Variants in PPM1D observed in about 807,000 individuals in gnomAD.
PPM1D encodes protein phosphatase 1D.
Under a neutral mutation model 58.3 loss-of-function variants are expected in PPM1D, and 52 were observed. The ratio of observed to expected loss-of-function variants is 0.89; its 90% confidence interval spans 0.71 to 1.12. PPM1D has a LOEUF of 1.12. Among genes scored for constraint, PPM1D ranks in the 50% most tolerant of loss-of-function variants. The pLI is 0.00. For missense variants in PPM1D, 564 were observed against 777.2 expected (o/e 0.73, Z 3.26); for synonymous variants, 278 against 285.1 (o/e 0.98, Z 0.25).
In PPM1D at chr17:60,600,369, G is replaced by A. The variant is rs1464155144; in HGVS notation, c.-46G>A. 2.0e-5 allele frequency: 30 copies of A among 1,537,250 alleles called. No homozygotes were observed. The highest frequency in any genetic ancestry group is 2.5e-5 in the Non-Finnish European group (29 of 1,142,204). The stretch of plus-strand genomic sequence containing the variant: ...GCGCCTAGTGTGTCTCCCGCCGCCG[G>A]ATTCGGCGGGCTGCGTGGGACCGGC... On this transcript the variant is annotated 5_prime_UTR_variant, in exon 1 of 6. Transcript: ENST00000305921.
chr17:60,649,684 T>C (rs1286302445), intron 4 of PPM1D, among the ~76,000 whole-genome samples: 1 of 150,132 alleles, frequency 6.7e-6, no homozygotes, highest in Non-Finnish European at 1.5e-5. Context: ...AACGAAACTC[T>C]GTCTCAAAAA....
chr17:60,603,717 T>C (rs950408246), intron 1 of PPM1D, among the ~76,000 whole-genome samples: 3 of 152,020 alleles, frequency 2.0e-5, no homozygotes, highest in East Asian at 1.9e-4. Context: ...TGAGCTGGGA[T>C]TGGGCCACTG....
chr17:60,622,815 A>G (rs1404843149), intron 1 of PPM1D, among the ~76,000 whole-genome samples: 2 of 152,216 alleles, frequency 1.3e-5, no homozygotes, highest in Admixed American at 6.5e-5. Context: ...AAACAAATCA[A>G]GCCGAGTGCG....
At chr17:60,646,794 G>C (rs1413730169) in intron 3 of PPM1D, among the ~76,000 whole-genome samples, 1 of 152,142 alleles carries the variant, frequency 6.6e-6, no homozygotes, top group Non-Finnish European at 1.5e-5. Flanking sequence ...TTTTTATGTG[G>C]AGCTAATCAA....
intron 2 of PPM1D, among the ~76,000 whole-genome samples, chr17:60,628,714 A>G (rs932007807): frequency 5.3e-5 from 8 of 152,112 alleles, no homozygotes; most frequent in African/African-American, 1.9e-4. Context: ...ATTATACTAT[A>G]TAATATCCAG....
intron 5 of PPM1D, among the ~76,000 whole-genome samples, chr17:60,659,925 A>AT (rs2031499213): frequency 6.6e-6 from 1 of 152,254 alleles, no homozygotes; most frequent in Non-Finnish European, 1.5e-5. Context: ...TATTCTGTGC[A>AT]TTTAGGCTGG....
At chr17:60,601,533 A>AAACGG (rs2030211782) in intron 1 of PPM1D, among the ~76,000 whole-genome samples, 1 of 152,122 alleles carries the variant, frequency 6.6e-6, no homozygotes, top group African/African-American at 2.4e-5. Context: ...ACGTGTTGTT[A>AAACGG]CCTCTTAAAA....
intron 1 of PPM1D, among the ~76,000 whole-genome samples, chr17:60,602,884 C>T (rs929518316): frequency 1.3e-5 from 2 of 151,396 alleles, no homozygotes; most frequent in East Asian, 1.9e-4. Context: ...GATGGCTCCA[C>T]ATTTTCTGTA....
At chr17:60,653,549 G>A (rs985518709) in intron 4 of PPM1D, among the ~76,000 whole-genome samples, 1 of 152,102 alleles carries the variant, frequency 6.6e-6, no homozygotes, top group South Asian at 2.1e-4. Context: ...TGAATTCTGA[G>A]CTTAAAGAAA....
rs191808360 is a variant in PPM1D, at chr17:60,639,288, G to A, written c.826+5311G>A. Among the ~76,000 whole-genome samples, 285 of 151,818 alleles carry A rather than the reference G, an allele frequency of 1.9e-3. 4 individuals carry two copies. The highest frequency in any genetic ancestry group is 3.8e-4 in the Non-Finnish European group (26 of 67,936). On this transcript the variant is annotated intron_variant, in intron 3 of 5. Coordinates refer to ENST00000305921, the MANE Select transcript of PPM1D (RefSeq NM_003620.4). ...CCGCCACCATGCTCGGCTAAGTTTT[G>A]TACAAAAATACAGGGGTTTTGCCAT...
chr17:60,634,112 CT>C, intron 3 of PPM1D, 135 bp downstream of exon 3: 1 of 1,069,362 alleles, frequency 9.4e-7, no homozygotes, highest in Non-Finnish European at 1.3e-6. Flanking sequence ...CTATTAACTG[CT>C]TTAGAACCTA....
chr17:60,662,475 T>C (rs1436873158), intron 5 of PPM1D: 1 of 153,140 alleles, frequency 6.5e-6, no homozygotes, highest in East Asian at 1.9e-4. Context: ...ATGGTTCTTA[T>C]GGAAAAATAT....
At chr17:60,607,501 A>G (rs1453497214) in intron 1 of PPM1D, among the ~76,000 whole-genome samples, 1 of 152,178 alleles carries the variant, frequency 6.6e-6, no homozygotes, top group Non-Finnish European at 1.5e-5. Context: ...GGGTTTCTCC[A>G]TGTTGGTCAG....
chr17:60,622,557 A>G (rs1598403473), intron 1 of PPM1D, among the ~76,000 whole-genome samples: 1 of 152,198 alleles, frequency 6.6e-6, no homozygotes, highest in African/African-American at 2.4e-5. Context: ...ATATACAGGG[A>G]TTCTGCCCCT....
intron 4 of PPM1D, among the ~76,000 whole-genome samples, chr17:60,655,911 G>A (rs1440155621): frequency 2.0e-5 from 3 of 147,050 alleles, no homozygotes; most frequent in Admixed American, 6.7e-5. Context: ...CCATGTTAGC[G>A]AGGATGGTCT....
chr17:60,657,058 T>G, intron 5 of PPM1D: 2 of 1,447,528 alleles, frequency 1.4e-6, no homozygotes, highest in Non-Finnish European at 9.1e-7. Flanking sequence ...TGTGGGCCCT[T>G]AAGAATATTA....
rs2031601806 is a variant in PPM1D at position 60,665,495 on chromosome 17, A to C, written c.*1943A>C. The stretch of plus-strand genomic sequence containing the variant: ...AGTGCTGGGATTACAGGTGTGAGCC[A>C]CCGTGCCCAGCCAACTATGCCATTA... On this transcript the variant is annotated 3_prime_UTR_variant, in exon 6 of 6. Transcript: ENST00000305921. 1 of 152,266 alleles carries C rather than the reference A, an allele frequency of 6.6e-6. No individual in the cohort carries two copies. Among genetic ancestry groups the C allele is most frequent in the African/African-American group, 2.4e-5 (1 of 41,460 alleles). 9.4% of individuals were successfully genotyped at this position (152,266 alleles called of 1,614,324 possible). A position where few individuals can be genotyped will look rare whatever the true frequency, so the allele number is the denominator to read the frequency against.
chr17:60,661,219 CAAA>C (rs373913706), intron 5 of PPM1D, among the ~76,000 whole-genome samples: 3 of 48,952 alleles, frequency 6.1e-5, no homozygotes, highest in African/African-American at 5.9e-5. Context: ...AACTCCATCT[CAAA>C]AAAAAAAAAA....
At chr17:60,638,934 G>T (rs2031078680) in intron 3 of PPM1D, among the ~76,000 whole-genome samples, 1 of 152,054 alleles carries the variant, frequency 6.6e-6, no homozygotes, top group Non-Finnish European at 1.5e-5. Flanking sequence ...TCTAGTGGCT[G>T]CCTGCTGGAA....
Sources: allele counts gnomAD v4.1 joint callset (sites outside exome capture counted in the v4.1 genomes callset), GRCh38; gene constraint gnomAD v4.1.1; transcripts MANE v1.5; gene names NCBI Gene and HGNC (gene_info 2026-07-23, HGNC 2026-07-21).